FARS2: variants seen among roughly 807,000 people sequenced by gnomAD.
The protein encoded by FARS2 is phenylalanyl-tRNA synthetase 2, mitochondrial.
Under a neutral mutation model 46.4 loss-of-function variants are expected in FARS2, and 40 were observed. That is an observed-to-expected ratio of 0.86 (90% CI 0.67 to 1.12). The LOEUF is 1.12. Among genes scored for constraint, FARS2 ranks in the 50% most tolerant of loss-of-function variants. The pLI, the probability that FARS2 is intolerant of heterozygous loss-of-function variation, is 0.00. For missense variants in FARS2, 513 were observed against 567.9 expected, an observed-to-expected ratio of 0.90 and a Z score of 0.98; for synonymous variants, 234 against 214.9, an observed-to-expected ratio of 1.09 and a Z score of -0.78.
chr6:5,631,493 G>A (rs1425154647), intron 6 of FARS2, among the ~76,000 whole-genome samples: 1 of 152,214 alleles, frequency 6.6e-6, no homozygotes, highest in Admixed American at 6.5e-5. Flanking sequence ...AACCTTCAAA[G>A]CCGAGCTGTT....
intron 1 of FARS2, among the ~76,000 whole-genome samples, chr6:5,293,421 G>A (rs1379357748): frequency 6.6e-6 from 1 of 152,172 alleles, no homozygotes; most frequent in Admixed American, 6.5e-5. Context: ...TTGCATGCAT[G>A]CTAGGAGGGG....
rs530847704 is a variant in FARS2, at chr6:5,358,197, T to A, written c.-21-10353T>A. ...GGTTTAGAGAGTTGATTTAAAAAAA[T>A]TTTTAATTTTACTTGCCATAACTAT... is the stretch of plus-strand genomic sequence containing the variant. On this transcript the variant is annotated intron_variant, in intron 1 of 6. Transcript: ENST00000274680. Among the ~76,000 whole-genome samples, 160 of 152,282 alleles carry A rather than the reference T, an allele frequency of 1.1e-3. 1 individual carries two copies. Among genetic ancestry groups the A allele is most frequent in the African/African-American group, 3.6e-3 (151 of 41,576 alleles).
intron 2 of FARS2, among the ~76,000 whole-genome samples, chr6:5,371,465 A>T (rs1414922490): frequency 2.0e-5 from 3 of 152,184 alleles, no homozygotes; most frequent in Non-Finnish European, 2.9e-5. Flanking sequence ...GGTGCAGGGT[A>T]AAAAAACAAT....
At chr6:5,698,377 A>G (rs912652603) in intron 6 of FARS2, among the ~76,000 whole-genome samples, 2 of 152,166 alleles carry the variant, frequency 1.3e-5, no homozygotes, top group African/African-American at 4.8e-5. Flanking sequence ...ACCAGAATTC[A>G]TGAGAACTCA....
chr6:5,439,547 CTGTT>C (rs1468144639), intron 4 of FARS2, among the ~76,000 whole-genome samples: 1 of 152,148 alleles, frequency 6.6e-6, no homozygotes, highest in African/African-American at 2.4e-5. Flanking sequence ...TCAGAGTCCT[CTGTT>C]AGTTGTTTAG....
At chr6:5,641,331 C>G (rs1018383310) in intron 6 of FARS2, among the ~76,000 whole-genome samples, 3 of 151,822 alleles carry the variant, frequency 2.0e-5, no homozygotes, top group African/African-American at 4.9e-5. Flanking sequence ...TAGTCTTACT[C>G]TTTCACCGAG....
At chr6:5,622,015 C>T (rs1447561735) in intron 6 of FARS2, among the ~76,000 whole-genome samples, 2 of 152,258 alleles carry the variant, frequency 1.3e-5, no homozygotes, top group African/African-American at 4.8e-5. Flanking sequence ...AGTGCAAATT[C>T]TGGAGGGAAA....
chr6:5,499,190 C>T (rs1376319922), intron 4 of FARS2, among the ~76,000 whole-genome samples: 1 of 152,204 alleles, frequency 6.6e-6, no homozygotes, highest in Non-Finnish European at 1.5e-5. Context: ...TCTGACCTTT[C>T]ACTGGCAGTT....
Position 5,478,442 on chromosome 6 carries a change from C to G in FARS2, c.904+47270C>G, listed in dbSNP as rs1766253978. 3.9e-5 allele frequency among the ~76,000 whole-genome samples: 6 copies of G among 152,288 alleles called. 2 individuals are homozygous for G. Among genetic ancestry groups the G allele is most frequent in the African/African-American group, 1.4e-4 (6 of 41,552 alleles). On this transcript the variant is annotated intron_variant, in intron 4 of 6. Coordinates refer to ENST00000274680, the MANE Select transcript of FARS2 (RefSeq NM_006567.5). ...GGAATATCATTTCCGTTTTATGAAA[C>G]AGGAAGCTTAGGCACAGAGAGGTTA...
At chr6:5,329,242 A>G (rs1337695536) in intron 1 of FARS2, among the ~76,000 whole-genome samples, 1 of 152,144 alleles carries the variant, frequency 6.6e-6, no homozygotes, top group Non-Finnish European at 1.5e-5. Context: ...AAGCTAATGT[A>G]GCATATCAAT....
At chr6:5,259,729 T>C (rs1764881535), upstream of FARS2, among the ~76,000 whole-genome samples, 1 of 152,154 alleles carries the variant, frequency 6.6e-6, no homozygotes, top group African/African-American at 2.4e-5. Flanking sequence ...GGTAAAGAGA[T>C]GAGTTGATCC....
intron 4 of FARS2, among the ~76,000 whole-genome samples, chr6:5,445,210 G>A (rs1764115813): frequency 1.3e-5 from 2 of 151,620 alleles, no homozygotes; most frequent in African/African-American, 4.8e-5. Flanking sequence ...GAGAGAAAAA[G>A]AGGATGCTCA....
intron 4 of FARS2, among the ~76,000 whole-genome samples, chr6:5,489,818 T>C (rs957486272): frequency 6.6e-6 from 1 of 152,258 alleles, no homozygotes; most frequent in Non-Finnish European, 1.5e-5. Context: ...AAATAGGTTA[T>C]GAAAATTTTA....
intron 6 of FARS2, among the ~76,000 whole-genome samples, chr6:5,635,428 A>AG (rs1308088543): frequency 2.6e-5 from 4 of 152,216 alleles, no homozygotes; most frequent in African/African-American, 9.7e-5. Context: ...AGAGGAAAAA[A>AG]TAATAAAGCA....
chr6:5,540,737 A>G (rs1404837781), intron 4 of FARS2, among the ~76,000 whole-genome samples: 2 of 152,222 alleles, frequency 1.3e-5, no homozygotes, highest in Non-Finnish European at 1.5e-5. Flanking sequence ...ATAGTTGCTA[A>G]TAGAAATATG....
intron 1 of FARS2, among the ~76,000 whole-genome samples, chr6:5,270,750 T>C (rs1377213148): frequency 2.6e-5 from 4 of 152,208 alleles, no homozygotes; most frequent in African/African-American, 9.7e-5. Context: ...CTGACGACTA[T>C]GGCGCTTACC....
At position 5,613,213 on chromosome 6, in the gene FARS2, G is replaced by T. The variant is rs1341083602; in HGVS notation, c.1110G>T (p.Trp370Cys). ...CTGTGATCAATGATATTTCATTCTG[G>T]TTGCCCTCTGAGAATTACGCAGAAA... The part of the protein sequence containing the change: ...YPAVINDISF[W>C]LPSENYAEND... The change falls in exon 6 of 7, where the codon TGG becomes TGT. Residue 370 changes from tryptophan to cysteine, a missense_variant. By Grantham distance (215) the Trp-to-Cys change is radical. Coordinates refer to ENST00000274680, the MANE Select transcript of FARS2 (RefSeq NM_006567.5). The T allele has an allele frequency of 6.2e-7, 1 of 1,613,136 alleles. No individual in the cohort carries two copies. The highest frequency in any genetic ancestry group is 8.5e-7 in the Non-Finnish European group (1 of 1,179,484).
intron 4 of FARS2, among the ~76,000 whole-genome samples, chr6:5,514,106 A>ATG (rs1768634937): frequency 6.7e-6 from 1 of 149,356 alleles, no homozygotes; most frequent in African/African-American, 2.5e-5. Flanking sequence ...ATATATATAT[A>ATG]TATGATAAAG....
chr6:5,698,988 C>A (rs1259937830), intron 6 of FARS2, among the ~76,000 whole-genome samples: 1 of 152,208 alleles, frequency 6.6e-6, no homozygotes, highest in East Asian at 1.9e-4. Flanking sequence ...GCAATTCCCC[C>A]ATGTGCCTGG....
Sources: allele counts gnomAD v4.1 joint callset (sites outside exome capture counted in the v4.1 genomes callset), GRCh38; gene constraint gnomAD v4.1.1; transcripts MANE v1.5; gene names NCBI Gene and HGNC (gene_info 2026-07-23, HGNC 2026-07-21).